ANAPC10: variants seen among roughly 807,000 people sequenced by gnomAD.
ANAPC10 encodes the protein anaphase promoting complex subunit 10, also known as anaphase-promoting complex subunit 10.
ANAPC10 carries 12 observed loss-of-function variants against 22.0 expected under a neutral mutation model. That is an observed-to-expected ratio of 0.55 (90% CI 0.35 to 0.88). The LOEUF (loss-of-function observed/expected upper bound fraction) is 0.88, where lower values mean the gene tolerates loss of function less well. Among genes scored for constraint, ANAPC10 ranks in the 40% least tolerant of loss-of-function variants. ANAPC10 has a pLI of 0.01. For missense variants in ANAPC10, 188 were observed against 220.9 expected, an observed-to-expected ratio of 0.85 and a Z score of 0.94; for synonymous variants, 65 against 69.5, an observed-to-expected ratio of 0.94 and a Z score of 0.32.
chr4:145,022,575 T>G (rs1736106939), intron 4 of ANAPC10, among the ~76,000 whole-genome samples: 1 of 151,862 alleles, frequency 6.6e-6, no homozygotes, highest in Non-Finnish European at 1.5e-5. Flanking sequence ...ACTGCTTGGG[T>G]GATGGGTGCA....
chr4:145,047,552 C>T (rs902266022), intron 4 of ANAPC10, among the ~76,000 whole-genome samples: 6 of 152,104 alleles, frequency 3.9e-5, no homozygotes, highest in African/African-American at 1.4e-4. Flanking sequence ...AGACAATTCC[C>T]TCTCAACACA....
chr4:145,053,741 G>T (rs908040861), intron 4 of ANAPC10: 8 of 641,946 alleles, frequency 1.2e-5, no homozygotes, highest in African/African-American at 1.1e-4. Flanking sequence ...CCTGAGACTT[G>T]AAGATTCATT....
intron 4 of ANAPC10, among the ~76,000 whole-genome samples, chr4:145,009,031 C>T (rs1733872143): frequency 6.6e-6 from 1 of 152,064 alleles, no homozygotes; most frequent in East Asian, 1.9e-4. Context: ...CACAAGTATT[C>T]CTATACACTA....
At chr4:145,053,529 A>C (rs937706445) in intron 4 of ANAPC10, 2 of 401,598 alleles carry the variant, frequency 5.0e-6, no homozygotes, top group South Asian at 9.0e-5. Flanking sequence ...ACAGATTCTA[A>C]AAAAGTGGTG....
At chr4:145,096,250 T>C in intron 1 of ANAPC10, 139 bp from the exon 2 acceptor site, 1 of 913,036 alleles carries the variant, frequency 1.1e-6, no homozygotes, top group South Asian at 1.8e-5. Context: ...TTAATATAAT[T>C]AAATCACTGT....
intron 4 of ANAPC10, among the ~76,000 whole-genome samples, chr4:145,042,841 G>C (rs1456146537): frequency 6.6e-6 from 1 of 151,532 alleles, no homozygotes; most frequent in African/African-American, 2.4e-5. Context: ...GGAGGTGCTG[G>C]CACAATGGAA....
intron 3 of ANAPC10, among the ~76,000 whole-genome samples, chr4:145,074,568 T>C (rs1358283829): frequency 6.6e-6 from 1 of 152,218 alleles, no homozygotes; most frequent in Admixed American, 6.5e-5. Context: ...CTTTAAATTA[T>C]GTTCACATTC....
intron 4 of ANAPC10, among the ~76,000 whole-genome samples, chr4:145,025,633 C>T (rs920930218): frequency 6.6e-6 from 1 of 152,044 alleles, no homozygotes; most frequent in East Asian, 1.9e-4. Flanking sequence ...GATTATTGAT[C>T]ACAGATGACC....
chr4:145,009,378 A>C (rs1175738280), intron 4 of ANAPC10, among the ~76,000 whole-genome samples: 1 of 152,172 alleles, frequency 6.6e-6, no homozygotes, highest in Non-Finnish European at 1.5e-5. Context: ...TTGCCAAGTC[A>C]ATCCTAAGCA....
intron 4 of ANAPC10, among the ~76,000 whole-genome samples, chr4:145,039,286 G>A (rs1056306055): frequency 2.6e-5 from 4 of 152,290 alleles, no homozygotes; most frequent in Admixed American, 6.5e-5. Flanking sequence ...CAAGGTTATC[G>A]CAATCCTATG....
chr4:145,097,950 ACT>A (rs1338040169), intron 1 of ANAPC10, 168 bp downstream of exon 1: 1 of 200,748 alleles, frequency 5.0e-6, no homozygotes. Flanking sequence ...TCGGCACCAG[ACT>A]CTGTTGGTCC....
At chr4:145,044,748 A>G (rs1740039646) in intron 4 of ANAPC10, among the ~76,000 whole-genome samples, 1 of 152,072 alleles carries the variant, frequency 6.6e-6, no homozygotes, top group Non-Finnish European at 1.5e-5. Context: ...CAGAAACATG[A>G]CAATACTGGC....
In ANAPC10 at chr4:145,039,478, T is replaced by C. The variant is rs145228876; in HGVS notation, c.327+25094A>G. Among the ~76,000 whole-genome samples, 7 of 152,338 alleles carry C rather than the reference T, an allele frequency of 4.6e-5. No individual in the cohort carries two copies. The East Asian group carries it at 1.3e-3, about 29-fold the overall frequency. On this transcript the variant is annotated intron_variant, in intron 4 of 4. Coordinates refer to ENST00000507656, the MANE Select transcript of ANAPC10 (RefSeq NM_001256706.2). ...CTTGCTTTAGATTTTTCCTTTTCTATGAGATAATAATAAATAACAATAAAC... is the reference window on the plus strand; with the variant it reads ...CTTGCTTTAGATTTTTCCTTTTCTACGAGATAATAATAAATAACAATAAAC...
chr4:145,032,999 AG>A (rs1442160574), intron 4 of ANAPC10: 1 of 152,240 alleles, frequency 6.6e-6, no homozygotes, highest in Non-Finnish European at 1.5e-5. Context: ...CAGCTAAAGA[AG>A]TATGGCAGTG....
chr4:145,061,391 A>C (rs1742863594), intron 4 of ANAPC10, among the ~76,000 whole-genome samples: 2 of 152,182 alleles, frequency 1.3e-5, no homozygotes, highest in African/African-American at 2.4e-5. Flanking sequence ...ATTTCATATG[A>C]ATATGTACAC....
Position 145,097,429 on chromosome 4 carries a change from G to C in ANAPC10, c.-13+691C>G. On this transcript the variant is annotated intron_variant, in intron 1 of 4. Transcript: ENST00000507656. ...AACAATATGTAAAACTGCTTTGGTA[G>C]CGCAGTTACTGCTACTGAACATTGT... The C allele has an allele frequency of 5.9e-6, 7 of 1,194,104 alleles. No homozygotes were observed. The South Asian group carries it at 8.8e-5, about 15-fold the overall frequency. The allele number at this position is 1,194,104 out of a possible 1,614,324, so 74.0% of individuals were successfully genotyped here. A position where few individuals can be genotyped will look rare whatever the true frequency, so the allele number is the denominator to read the frequency against.
chr4:145,005,524 G>A (rs1322800397), intron 4 of ANAPC10, among the ~76,000 whole-genome samples: 1 of 151,888 alleles, frequency 6.6e-6, no homozygotes, highest in Non-Finnish European at 1.5e-5. Flanking sequence ...TTTGCTCTCG[G>A]TTCCCTAGTT....
At chr4:145,084,169 C>T (rs900625161) in intron 2 of ANAPC10, among the ~76,000 whole-genome samples, 1 of 152,234 alleles carries the variant, frequency 6.6e-6, no homozygotes, top group East Asian at 1.9e-4. Flanking sequence ...GTCTGTTCCA[C>T]GTAATCCAAA....
chr4:144,999,052 C>T (rs1732089309), intron 4 of ANAPC10, among the ~76,000 whole-genome samples: 1 of 152,052 alleles, frequency 6.6e-6, no homozygotes, highest in Non-Finnish European at 1.5e-5. Flanking sequence ...TACACCCACC[C>T]AAGACTAAGC....
Sources: allele counts gnomAD v4.1 joint callset (sites outside exome capture counted in the v4.1 genomes callset), GRCh38; gene constraint gnomAD v4.1.1; transcripts MANE v1.5; gene names NCBI Gene and HGNC (gene_info 2026-07-23, HGNC 2026-07-21).